SPAG16: variants seen among roughly 807,000 people sequenced by gnomAD.
The protein encoded by SPAG16 is sperm-associated antigen 16 protein.
In SPAG16, 86 loss-of-function variants were observed where a neutral mutation model predicts 80.4. That is an observed-to-expected ratio of 1.07 (90% CI 0.90 to 1.28). The LOEUF (loss-of-function observed/expected upper bound fraction) is 1.28. SPAG16 is among the 50% of genes most tolerant of loss of function. The pLI, the probability that SPAG16 is intolerant of heterozygous loss-of-function variation, is 0.00. For missense variants in SPAG16, 870 were observed against 765.3 expected (o/e 1.14, Z -1.61); for synonymous variants, 294 against 265.9 (o/e 1.11, Z -1.03).
chr2:214,394,402 G>A (rs1000680472), intron 15 of SPAG16, among the ~76,000 whole-genome samples: 2 of 152,024 alleles, frequency 1.3e-5, no homozygotes, highest in Non-Finnish European at 2.9e-5. Context: ...ACAATTGAGA[G>A]AAGACACTAT....
chr2:214,282,674 G>A (rs1693043049), intron 15 of SPAG16, among the ~76,000 whole-genome samples: 1 of 151,878 alleles, frequency 6.6e-6, no homozygotes, highest in South Asian at 2.1e-4. Flanking sequence ...GAAAATTTTG[G>A]AGCAGAAAAG....
intron 13 of SPAG16, among the ~76,000 whole-genome samples, chr2:214,021,126 G>A (rs1191886510): frequency 6.6e-6 from 1 of 152,078 alleles, no homozygotes; most frequent in South Asian, 2.1e-4. Flanking sequence ...GGGAGAAAAA[G>A]CATAACACAT....
chr2:214,270,743 G>C (rs1412319832), intron 15 of SPAG16, among the ~76,000 whole-genome samples: 2 of 151,828 alleles, frequency 1.3e-5, no homozygotes, highest in African/African-American at 4.8e-5. Context: ...TACAGTTCTT[G>C]GATTTAAATA....
intron 13 of SPAG16, among the ~76,000 whole-genome samples, chr2:214,088,628 A>G (rs568484439): frequency 1.3e-5 from 2 of 152,234 alleles, no homozygotes; most frequent in South Asian, 4.1e-4. Flanking sequence ...ATAATATTCT[A>G]GAAAATTATA....
intron 12 of SPAG16, among the ~76,000 whole-genome samples, chr2:213,952,864 G>C (rs2043923134): frequency 6.6e-6 from 1 of 152,072 alleles, no homozygotes; most frequent in Non-Finnish European, 1.5e-5. Flanking sequence ...AAAGTTAGCT[G>C]TAGCTTCATT....
At position 213,553,091 on chromosome 2, in the gene SPAG16, C is replaced by A. The variant is rs117533095; in HGVS notation, c.1070+63001C>A. Among the ~76,000 whole-genome samples the A allele has an allele frequency of 1.5e-3, 231 of 152,226 alleles. 1 individual carries two copies. The East Asian group carries it at 0.04, about 26-fold the overall frequency. ...TGGGACTTCACCTTCACCTTGTGAT[C>A]GTGTGAGTCAATACACCTTAATAAA... On this transcript the variant is annotated intron_variant, in intron 10 of 15. Coordinates refer to ENST00000331683, the MANE Select transcript of SPAG16 (RefSeq NM_024532.5).
chr2:213,360,978 C>T (rs896781582), intron 7 of SPAG16, among the ~76,000 whole-genome samples: 31 of 151,988 alleles, frequency 2.0e-4, no homozygotes, highest in African/African-American at 7.0e-4. Context: ...TCTTAATGAG[C>T]ATTTAGCTTA....
chr2:213,920,026 C>T (rs1278669111), intron 11 of SPAG16, among the ~76,000 whole-genome samples: 2 of 152,276 alleles, frequency 1.3e-5, no homozygotes, highest in South Asian at 2.1e-4. Context: ...GAATTGAAAT[C>T]TTTGCCAGTA....
chr2:214,157,704 A>G (rs1362102966), intron 15 of SPAG16, among the ~76,000 whole-genome samples: 1 of 152,136 alleles, frequency 6.6e-6, no homozygotes, highest in Non-Finnish European at 1.5e-5. Flanking sequence ...AAATTATGAT[A>G]ACTAAAATGC....
At chr2:214,173,991 T>C (rs1221690671) in intron 15 of SPAG16, among the ~76,000 whole-genome samples, 2 of 151,960 alleles carry the variant, frequency 1.3e-5, no homozygotes, top group African/African-American at 4.8e-5. Flanking sequence ...ATTATCTCAA[T>C]AGATGCAGAA....
chr2:214,091,013 A>C (rs1248187931), intron 13 of SPAG16, among the ~76,000 whole-genome samples: 1 of 152,094 alleles, frequency 6.6e-6, no homozygotes, highest in African/African-American at 2.4e-5. Flanking sequence ...TGAGGTCATA[A>C]AATGTTGGCT....
intron 10 of SPAG16, among the ~76,000 whole-genome samples, chr2:213,710,962 AT>A (rs954487719): frequency 1.4e-4 from 21 of 150,980 alleles, no homozygotes; most frequent in South Asian, 1.3e-3. Flanking sequence ...CTTTTCTGGA[AT>A]TTTTTTTTTA....
chr2:213,756,605 G>C (rs990509055), intron 10 of SPAG16, among the ~76,000 whole-genome samples: 1 of 152,206 alleles, frequency 6.6e-6, no homozygotes, highest in African/African-American at 2.4e-5. Context: ...TATAGCCACT[G>C]CATTACAAAG....
chr2:214,141,755 T>A (rs1032332470), intron 14 of SPAG16, among the ~76,000 whole-genome samples: 1 of 152,214 alleles, frequency 6.6e-6, no homozygotes, highest in African/African-American at 2.4e-5. Flanking sequence ...AATTGAAATG[T>A]CTTTAAAATA....
chr2:213,691,492 C>G (rs575470861), intron 10 of SPAG16, among the ~76,000 whole-genome samples: 2 of 152,228 alleles, frequency 1.3e-5, no homozygotes, highest in East Asian at 3.9e-4. Context: ...GGACCTCTAG[C>G]CCAGACTAAA....
Position 213,485,785 on chromosome 2 carries a change from G to A in SPAG16, c.943-4178G>A, listed in dbSNP as rs183236011. On this transcript the variant is annotated intron_variant, in intron 9 of 15. Transcript: ENST00000331683. ...TCAATGAACAGCAAATAACAAGATAGGGAAGCAGACCTCTGTTGAGTGGCA... is the reference window on the plus strand; with the variant it reads ...TCAATGAACAGCAAATAACAAGATAAGGAAGCAGACCTCTGTTGAGTGGCA... Among the ~76,000 whole-genome samples the A allele has an allele frequency of 1.5e-3, 223 of 152,158 alleles. 1 individual carries two copies. Among genetic ancestry groups the A allele is most frequent in the African/African-American group, 5.2e-3 (216 of 41,448 alleles).
intron 10 of SPAG16, among the ~76,000 whole-genome samples, chr2:213,793,425 C>G (rs985072001): frequency 6.6e-6 from 1 of 152,098 alleles, no homozygotes; most frequent in African/African-American, 2.4e-5. Flanking sequence ...AGGTACATGC[C>G]ACTCCTTCTG....
At chr2:213,313,814 C>G (rs1468205849) in intron 4 of SPAG16, among the ~76,000 whole-genome samples, 2 of 151,706 alleles carry the variant, frequency 1.3e-5, no homozygotes, top group Non-Finnish European at 2.9e-5. Flanking sequence ...AAGTGATAGT[C>G]GCGATAGTGC....
chr2:213,306,123 ACG>A (rs1219179615), intron 3 of SPAG16, among the ~76,000 whole-genome samples: 2 of 151,862 alleles, frequency 1.3e-5, no homozygotes, highest in Non-Finnish European at 2.9e-5. Flanking sequence ...ATTTACTGGC[ACG>A]TAGTTGCTCA....
Sources: gnomAD v4.1 joint callset for allele counts (sites outside exome capture counted in the v4.1 genomes callset) on GRCh38, gnomAD v4.1.1 for gene constraint, MANE v1.5 for transcripts, NCBI Gene and HGNC (gene_info 2026-07-23, HGNC 2026-07-21) for gene names.